Variants in PDE8B observed in about 807,000 individuals in gnomAD.
PDE8B encodes the protein phosphodiesterase 8B.
Under a neutral mutation model 101.3 loss-of-function variants are expected in PDE8B, and 26 were observed. That is an observed-to-expected ratio of 0.26 (90% CI 0.19 to 0.36). PDE8B has a LOEUF of 0.36. Ranked by LOEUF, PDE8B falls within the 10% of genes least tolerant of loss-of-function variation. The pLI is 1.00. For synonymous variants in PDE8B, 424 were observed against 429.3 expected, an observed-to-expected ratio of 0.99 and a Z score of 0.15; for missense variants, 810 against 1,163.1, an observed-to-expected ratio of 0.70 and a Z score of 4.42.
the PDE8B span, among the ~76,000 whole-genome samples, chr5:77,184,068 G>A: frequency 1.3e-5 from 2 of 151,884 alleles, no homozygotes; most frequent in South Asian, 2.1e-4. Flanking sequence ...CCCCATCCAA[G>A]CAGTCCTCCT....
chr5:77,375,077 A>G (rs780405594), intron 10 of PDE8B, among the ~76,000 whole-genome samples: 1 of 152,182 alleles, frequency 6.6e-6, no homozygotes, highest in Admixed American at 6.5e-5. Flanking sequence ...TTCCCAGGAA[A>G]CTTTTACAAT....
intron 11 of PDE8B, among the ~76,000 whole-genome samples, chr5:77,402,014 G>A (rs1792385948): frequency 6.6e-6 from 1 of 152,078 alleles, no homozygotes; most frequent in Non-Finnish European, 1.5e-5. Context: ...GTTTTGTTTA[G>A]AAACTACATT....
At chr5:77,389,397 C>T (rs1317013508) in intron 10 of PDE8B, among the ~76,000 whole-genome samples, 1 of 152,194 alleles carries the variant, frequency 6.6e-6, no homozygotes, top group African/African-American at 2.4e-5. Flanking sequence ...CCGTGGGCTG[C>T]ACCCACTGCC....
At chr5:77,322,987 A>C (rs1364631362) in intron 2 of PDE8B, among the ~76,000 whole-genome samples, 1 of 152,252 alleles carries the variant, frequency 6.6e-6, no homozygotes, top group Non-Finnish European at 1.5e-5. Flanking sequence ...TGTCAAGGAA[A>C]TATAAATTGC....
At chr5:77,269,390 G>A (rs1263101363) in intron 1 of PDE8B, among the ~76,000 whole-genome samples, 2 of 152,088 alleles carry the variant, frequency 1.3e-5, no homozygotes, top group African/African-American at 4.8e-5. Context: ...TTGTCAGATG[G>A]TTAGTTTGCA....
chr5:77,243,597 C>A (rs960791986), intron 1 of PDE8B, among the ~76,000 whole-genome samples: 1 of 152,260 alleles, frequency 6.6e-6, no homozygotes, highest in African/African-American at 2.4e-5. Context: ...TGGAATCATA[C>A]AATATGTAGT....
intron 1 of PDE8B, among the ~76,000 whole-genome samples, chr5:77,265,063 A>G (rs1761407192): frequency 6.6e-6 from 1 of 152,176 alleles, no homozygotes; most frequent in African/African-American, 2.4e-5. Flanking sequence ...TGTTATTGAC[A>G]CACTGATGGT....
intron 1 of PDE8B, among the ~76,000 whole-genome samples, chr5:77,270,921 C>A (rs1475983212): frequency 1.3e-5 from 2 of 152,184 alleles, no homozygotes; most frequent in African/African-American, 4.8e-5. Context: ...GAAAACAATA[C>A]CCTTTCCAGT....
chr5:77,273,596 C>T (rs996341106), intron 1 of PDE8B, among the ~76,000 whole-genome samples: 4 of 152,110 alleles, frequency 2.6e-5, no homozygotes, highest in Admixed American at 6.5e-5. Context: ...GGAAGAATAA[C>T]TTGCTTTTGC....
At chr5:77,289,553 G>T (rs1396584573) in intron 1 of PDE8B, among the ~76,000 whole-genome samples, 1 of 152,198 alleles carries the variant, frequency 6.6e-6, no homozygotes, top group African/African-American at 2.4e-5. Flanking sequence ...AGTGTCACTG[G>T]TCTGGCAGCC....
chr5:77,425,942 T>C lies in PDE8B; in HGVS notation c.2548+46T>C, dbSNP rs777681676. ...TCACCCAAAGAAAATTGTTATACTTTACGAATATTATCTTTAGTGACACAG... is the reference window on the plus strand; with the variant it reads ...TCACCCAAAGAAAATTGTTATACTTCACGAATATTATCTTTAGTGACACAG... On this transcript the variant is annotated intron_variant, in intron 21 of 21. Transcript: ENST00000264917. 2.2e-5 allele frequency: 35 copies of C among 1,569,118 alleles called. No homozygotes were observed. The South Asian group carries it at 3.2e-4, about 14-fold the overall frequency.
intron 10 of PDE8B, among the ~76,000 whole-genome samples, chr5:77,366,563 G>A (rs187660388): frequency 1.1e-3 from 171 of 152,198 alleles, no homozygotes; most frequent in African/African-American, 3.8e-3. Flanking sequence ...CTGCTGTCAG[G>A]GGCTCTTCCT....
At chr5:77,125,983 A>T in the PDE8B span, among the ~76,000 whole-genome samples, 1 of 152,240 alleles carries the variant, frequency 6.6e-6, no homozygotes, top group Non-Finnish European at 1.5e-5. Flanking sequence ...CAATAAAATT[A>T]AATCTCTTAA....
At position 77,412,122 on chromosome 5, in the gene PDE8B, C is replaced by T. The variant is rs1309090788; in HGVS notation, c.1599C>T (p.His533=). 3.1e-6 allele frequency: 5 copies of T among 1,614,010 alleles called. No individual in the cohort carries two copies. In the African/African-American group the frequency reaches 5.3e-5, roughly 17 times the overall value. The stretch of plus-strand genomic sequence containing the variant: ...CAGATGTGCACCAGAGTCACAGTCA[C>T]CTTGCAATGCCAATAACCATCAATG... The part of the protein sequence containing the change: ...FTKNVHQSHS[H]LAMPITINDV... The change falls in exon 16 of 22, where the codon CAC becomes CAT. Residue 533 remains histidine (H), a synonymous_variant. Transcript: ENST00000264917.
intron 1 of PDE8B, among the ~76,000 whole-genome samples, chr5:77,241,740 G>T (rs1352725428): frequency 6.6e-6 from 1 of 152,240 alleles, no homozygotes; most frequent in East Asian, 1.9e-4. Context: ...TTGGCCATCA[G>T]ATTATTTCTC....
At chr5:77,207,904 G>T (rs1747634546), upstream of PDE8B, among the ~76,000 whole-genome samples, 1 of 152,176 alleles carries the variant, frequency 6.6e-6, no homozygotes, top group African/African-American at 2.4e-5. Flanking sequence ...GCTACTGTCT[G>T]CTCTGGGAAT....
intron 1 of PDE8B, among the ~76,000 whole-genome samples, chr5:77,295,710 C>T (rs553970439): frequency 6.6e-6 from 1 of 152,268 alleles, no homozygotes; most frequent in South Asian, 2.1e-4. Flanking sequence ...GCTCATTCAA[C>T]CTTATTTAAT....
the PDE8B span, chr5:77,148,232 G>A: frequency 6.6e-5 from 10 of 152,292 alleles, no homozygotes; most frequent in East Asian, 1.9e-3. Flanking sequence ...GCTGCTGTGT[G>A]GAGTATTCTC....
At chr5:77,312,102 T>C in intron 2 of PDE8B, 49 bp downstream of exon 2, 1 of 1,314,310 alleles carries the variant, frequency 7.6e-7, no homozygotes, top group South Asian at 1.2e-5. Context: ...TTCTTTTTTT[T>C]TTCTTTTTTT....
Sources: gnomAD v4.1 joint callset for allele counts (sites outside exome capture counted in the v4.1 genomes callset) on GRCh38, gnomAD v4.1.1 for gene constraint, MANE v1.5 for transcripts, NCBI Gene and HGNC (gene_info 2026-07-23, HGNC 2026-07-21) for gene names.